MAP2K5: variants seen among roughly 807,000 people sequenced by gnomAD.
MAP2K5 encodes mitogen-activated protein kinase kinase 5.
Under a neutral mutation model 83.1 loss-of-function variants are expected in MAP2K5, and 49 were observed. The observed-to-expected ratio is 0.59, with a 90% CI of 0.47 to 0.75. The LOEUF is 0.75. Among genes scored for constraint, MAP2K5 ranks in the 30% least tolerant of loss-of-function variants. The pLI, the probability that MAP2K5 is intolerant of heterozygous loss-of-function variation, is 0.00. For synonymous variants in MAP2K5, 202 were observed against 191.8 expected (o/e 1.05, Z -0.44); for missense variants, 457 against 557.5 (o/e 0.82, Z 1.82).
Position 67,580,864 on chromosome 15 carries a change from T to C in MAP2K5, c.322+41T>C, listed in dbSNP as rs538290794. 4.0e-5 allele frequency: 52 copies of C among 1,293,108 alleles called. 3 individuals are homozygous for C. In the South Asian group the frequency reaches 6.0e-4, roughly 15 times the overall value. The allele number at this position is 1,293,108 out of a possible 1,614,324, so 80.1% of individuals were successfully genotyped here. On this transcript the variant is annotated intron_variant, in intron 4 of 21. Transcript: ENST00000178640. ...TTCTAATCAACAATGATTATTTCAG[T>C]AAACTGTTTCATCAACAGTTATGTT...
intron 9 of MAP2K5, among the ~76,000 whole-genome samples, chr15:67,632,091 T>C (rs1440214549): frequency 1.7e-5 from 2 of 121,104 alleles, no homozygotes; most frequent in Non-Finnish European, 3.3e-5. Flanking sequence ...CCAAGTATTA[T>C]GCTAGATTTT....
intron 8 of MAP2K5, chr15:67,628,997 C>T (rs950146096): frequency 3.8e-5 from 29 of 757,242 alleles, no homozygotes; most frequent in Admixed American, 8.6e-5. Context: ...ATTTCAGACC[C>T]GTGAAGGGAG....
At chr15:67,662,799 A>G (rs2087270320) in intron 12 of MAP2K5, among the ~76,000 whole-genome samples, 1 of 152,054 alleles carries the variant, frequency 6.6e-6, no homozygotes, top group Non-Finnish European at 1.5e-5. Flanking sequence ...AGATGTTTGT[A>G]TTTTCTCATT....
intron 11 of MAP2K5, among the ~76,000 whole-genome samples, chr15:67,653,966 G>C (rs1220179823): frequency 1.3e-5 from 2 of 152,060 alleles, no homozygotes; most frequent in African/African-American, 4.8e-5. Context: ...GGTATGTGCT[G>C]TTTAATTTCC....
intron 13 of MAP2K5, among the ~76,000 whole-genome samples, chr15:67,669,038 T>C (rs998188613): frequency 1.3e-5 from 2 of 152,160 alleles, no homozygotes; most frequent in African/African-American, 4.8e-5. Context: ...CCTTGGCTTT[T>C]CTCTTTTATA....
intron 21 of MAP2K5, among the ~76,000 whole-genome samples, chr15:67,788,982 A>T (rs868450142): frequency 9.2e-5 from 14 of 152,082 alleles, no homozygotes; most frequent in African/African-American, 3.4e-4. Flanking sequence ...AAAAAAAAAA[A>T]AAAAAAATTA....
At chr15:67,567,429 A>G (rs897318317) in intron 3 of MAP2K5, among the ~76,000 whole-genome samples, 3 of 150,816 alleles carry the variant, frequency 2.0e-5, no homozygotes, top group African/African-American at 7.3e-5. Context: ...CAGTGGCGCA[A>G]TCTCGGCTCA....
intron 15 of MAP2K5, 115 bp from the exon 16 acceptor site, chr15:67,703,222 C>T (rs2088466027): frequency 1.3e-5 from 9 of 703,298 alleles, no homozygotes; most frequent in African/African-American, 3.6e-5. Context: ...TTTTGTCATC[C>T]GTAAAATACT....
intron 16 of MAP2K5, among the ~76,000 whole-genome samples, chr15:67,704,596 C>T (rs770569167): frequency 1.3e-5 from 2 of 152,100 alleles, no homozygotes; most frequent in East Asian, 1.9e-4. Flanking sequence ...AAGTGTTGAA[C>T]GTTTATTAAA....
At chr15:67,645,668 C>G (rs2086815350) in intron 9 of MAP2K5, among the ~76,000 whole-genome samples, 1 of 152,012 alleles carries the variant, frequency 6.6e-6, no homozygotes, top group South Asian at 2.1e-4. Flanking sequence ...ATCCTCCCAC[C>G]TCAGCCTCCC....
At chr15:67,587,000 AC>A in intron 6 of MAP2K5, 87 bp downstream of exon 6, 2 of 1,331,210 alleles carry the variant, frequency 1.5e-6, no homozygotes, top group Non-Finnish European at 2.2e-6. Context: ...AAGAAATTTG[AC>A]CAGTTAGATA....
At chr15:67,718,608 A>G (rs913313460) in intron 16 of MAP2K5, among the ~76,000 whole-genome samples, 12 of 152,112 alleles carry the variant, frequency 7.9e-5, no homozygotes, top group Non-Finnish European at 1.8e-4. Flanking sequence ...TACTAAAAAT[A>G]CAAAAATTAG....
intron 3 of MAP2K5, among the ~76,000 whole-genome samples, chr15:67,574,200 T>C (rs2085006700): frequency 6.6e-6 from 1 of 152,206 alleles, no homozygotes; most frequent in Non-Finnish European, 1.5e-5. Context: ...AGGGGGCTGT[T>C]CCTTGTGAAA....
chr15:67,802,588 T>A lies in MAP2K5; in HGVS notation c.1243-4058T>A, dbSNP rs546855794. 6.6e-6 allele frequency among the ~76,000 whole-genome samples: 1 copy of A among 152,348 alleles called. No individual in the cohort carries two copies. The highest frequency in any genetic ancestry group is 2.1e-4 in the South Asian group (1 of 4,828). On this transcript the variant is annotated intron_variant, in intron 21 of 21. Transcript: ENST00000178640. The surrounding 1 kb of genome is among the most constrained non-coding windows in gnomAD (Gnocchi z 5.0). ...GAGAGTGGCTCTCACTGCCTGGTGA[T>A]GAGGCCAGCAAGATCTTTCAGCAGC...
chr15:67,637,232 T>C lies in MAP2K5; in HGVS notation c.585+6305T>C, dbSNP rs2086620437. On this transcript the variant is annotated intron_variant, in intron 9 of 21. Transcript: ENST00000178640. This position sits in a 1 kb window ranked among gnomAD's most constrained non-coding sequence, Gnocchi z 4.5. ...GGACTTCACCTTGTCATCCTGTGAG[T>C]CAATACTCCTTAATAAATTCCCCTT... Among the ~76,000 whole-genome samples the C allele has an allele frequency of 6.6e-6, 1 of 152,178 alleles. No individual in the cohort carries two copies. Among genetic ancestry groups the C allele is most frequent in the African/African-American group, 2.4e-5 (1 of 41,442 alleles).
chr15:67,647,578 C>T (rs1350500361), intron 11 of MAP2K5, among the ~76,000 whole-genome samples: 1 of 151,886 alleles, frequency 6.6e-6, no homozygotes, highest in Admixed American at 6.6e-5. Flanking sequence ...GAGATCTCAT[C>T]TTTACAAAAA....
rs984834765 is a variant in MAP2K5, at chr15:67,720,118, A to C, written c.1045-7798A>C. ...TTTTTATTTATCAATTAGCTGCCTTATACTTACTATGGCCTAGTTAAAATT... is the reference window on the plus strand; with the variant it reads ...TTTTTATTTATCAATTAGCTGCCTTCTACTTACTATGGCCTAGTTAAAATT... On this transcript the variant is annotated intron_variant, in intron 16 of 21. Transcript: ENST00000178640. This position sits in a 1 kb window ranked among gnomAD's most constrained non-coding sequence, Gnocchi z 5.7. Among the ~76,000 whole-genome samples, 1 of 152,160 alleles carries C rather than the reference A, an allele frequency of 6.6e-6. No homozygotes were observed. The highest frequency in any genetic ancestry group is 1.5e-5 in the Non-Finnish European group (1 of 68,032).
chr15:67,676,016 A>T lies in MAP2K5; in HGVS notation c.847+11371A>T, dbSNP rs2087673565. Among the ~76,000 whole-genome samples the T allele has an allele frequency of 6.6e-6, 1 of 152,330 alleles. No individual in the cohort carries two copies. The highest frequency in any genetic ancestry group is 2.1e-4 in the South Asian group (1 of 4,830). ...CTAAAAGCCTTCTGACTTGCAGGGG[A>T]TTGGGATTTGAAGCAGACTGTGTGA... On this transcript the variant is annotated intron_variant, in intron 13 of 21. Transcript: ENST00000178640. This position sits in a 1 kb window ranked among gnomAD's most constrained non-coding sequence, Gnocchi z 4.8.
chr15:67,805,574 G>A (rs1230401905), intron 21 of MAP2K5, among the ~76,000 whole-genome samples: 1 of 149,796 alleles, frequency 6.7e-6, no homozygotes, highest in Non-Finnish European at 1.5e-5. Flanking sequence ...GGCCCAAGAG[G>A]GGCTGAGGAA....
Sources: allele counts gnomAD v4.1 joint callset (sites outside exome capture counted in the v4.1 genomes callset), GRCh38; gene constraint gnomAD v4.1.1; non-coding constraint Gnocchi (gnomAD v3.1); transcripts MANE v1.5; gene names NCBI Gene and HGNC (gene_info 2026-07-23, HGNC 2026-07-21).